UPP2: variants seen among roughly 807,000 people sequenced by gnomAD.
UPP2 encodes the protein UPase 2.
UPP2 carries 23 observed loss-of-function variants against 26.7 expected under a neutral mutation model. That is an observed-to-expected ratio of 0.86 (90% CI 0.62 to 1.22). The LOEUF is 1.22. UPP2 is among the 50% of genes most tolerant of loss of function. The pLI is 0.00. For missense variants in UPP2, 387 were observed against 396.7 expected, an observed-to-expected ratio of 0.98 and a Z score of 0.21; for synonymous variants, 127 against 141.3, an observed-to-expected ratio of 0.90 and a Z score of 0.72.
At chr2:158,057,211 CT>C (rs1682259809) in intron 3 of UPP2, among the ~76,000 whole-genome samples, 1 of 152,174 alleles carries the variant, frequency 6.6e-6, no homozygotes, top group South Asian at 2.1e-4. Context: ...GGTTTCTCTA[CT>C]GTAAAGTTAC....
In UPP2 at chr2:158,050,371, T is replaced by C. The variant is rs79786999; in HGVS notation, c.147+34485T>C. 9.1e-3 allele frequency among the ~76,000 whole-genome samples: 1,382 copies of C among 151,606 alleles called. 22 individuals are homozygous for C. The highest frequency in any genetic ancestry group is 0.031 in the African/African-American group (1,289 of 40,922). On this transcript the variant is annotated intron_variant, in intron 3 of 9. Transcript: ENST00000605860. The stretch of plus-strand genomic sequence containing the variant: ...AAGTAAACAGTTTGGCTCCAATGTA[T>C]TTACATGGATTATTTAGTTTTTTTT...
chr2:158,008,759 G>A (rs941876636), intron 2 of UPP2, among the ~76,000 whole-genome samples: 78 of 152,070 alleles, frequency 5.1e-4, no homozygotes, highest in African/African-American at 1.7e-3. Flanking sequence ...TCTTTATGGC[G>A]AAATTTTAAA....
At chr2:158,125,895 C>T (rs1031787286) in intron 6 of UPP2, among the ~76,000 whole-genome samples, 5 of 152,176 alleles carry the variant, frequency 3.3e-5, no homozygotes, top group African/African-American at 1.2e-4. Flanking sequence ...TTCTTTATTA[C>T]ATAAACAAGT....
intron 3 of UPP2, among the ~76,000 whole-genome samples, chr2:158,088,172 T>G (rs1465956810): frequency 6.6e-6 from 1 of 152,224 alleles, no homozygotes; most frequent in African/African-American, 2.4e-5. Flanking sequence ...GAGGCATTAT[T>G]CATTTTTTAA....
intron 3 of UPP2, among the ~76,000 whole-genome samples, chr2:158,074,354 T>C (rs976159285): frequency 2.0e-5 from 3 of 152,056 alleles, no homozygotes; most frequent in Non-Finnish European, 4.4e-5. Context: ...AAATAATAGC[T>C]ATAACACCTT....
intron 3 of UPP2, among the ~76,000 whole-genome samples, chr2:158,093,268 A>C (rs1682936864): frequency 8.2e-6 from 1 of 122,410 alleles, no homozygotes; most frequent in Admixed American, 8.3e-5. Flanking sequence ...GTAAAAAGAA[A>C]CATACACACA....
At chr2:158,082,996 C>G (rs1159672409) in intron 3 of UPP2, among the ~76,000 whole-genome samples, 6 of 152,146 alleles carry the variant, frequency 3.9e-5, no homozygotes, top group Admixed American at 3.9e-4. Flanking sequence ...CAAATCAAAA[C>G]TACAATGAGA....
At chr2:158,022,144 T>G (rs1186903980) in intron 3 of UPP2, among the ~76,000 whole-genome samples, 2 of 151,912 alleles carry the variant, frequency 1.3e-5, no homozygotes, top group Non-Finnish European at 2.9e-5. Flanking sequence ...AGTAAAGAAG[T>G]ATATTTTGCA....
At chr2:158,130,373 C>A (rs938593545) in intron 6 of UPP2, among the ~76,000 whole-genome samples, 2 of 151,702 alleles carry the variant, frequency 1.3e-5, no homozygotes, top group African/African-American at 2.4e-5. Flanking sequence ...ATGGCGTGAA[C>A]CCAGGAGGCA....
In UPP2 at chr2:158,136,022, G is replaced by C. The variant is rs1683924474; in HGVS notation, c.*1132G>C. 6.6e-6 allele frequency: 1 copy of C among 152,154 alleles called. No homozygotes were observed. Among genetic ancestry groups the C allele is most frequent in the South Asian group, 2.1e-4 (1 of 4,822 alleles). 9.4% of individuals were successfully genotyped at this position (152,154 alleles called of 1,614,324 possible). A position where few individuals can be genotyped will look rare whatever the true frequency, so the allele number is the denominator to read the frequency against. On this transcript the variant is annotated 3_prime_UTR_variant, in exon 7 of 7. Transcript: ENST00000005756. Reference sequence around the variant, plus strand: ...TCACACATGACCGAATGGAGGCTTGGGGCAGGAAATAGGTCCTAGGCCGGT... The same window carrying C: ...TCACACATGACCGAATGGAGGCTTGCGGCAGGAAATAGGTCCTAGGCCGGT...
At chr2:158,073,141 T>C (rs1291976215) in intron 3 of UPP2, among the ~76,000 whole-genome samples, 1 of 152,028 alleles carries the variant, frequency 6.6e-6, no homozygotes, top group African/African-American at 2.4e-5. Context: ...ATTGAACTAA[T>C]TAAAAAGAAT....
At chr2:158,044,474 G>A (rs918942744) in intron 3 of UPP2, among the ~76,000 whole-genome samples, 18 of 152,226 alleles carry the variant, frequency 1.2e-4, no homozygotes, top group African/African-American at 2.9e-4. Context: ...CAGGATAACC[G>A]CAAAGAGAGT....
chr2:158,032,809 G>C (rs1017434815), intron 3 of UPP2, among the ~76,000 whole-genome samples: 2 of 152,162 alleles, frequency 1.3e-5, no homozygotes, highest in Non-Finnish European at 1.5e-5. Context: ...TGGTTTTTGA[G>C]TTGCTAAATA....
intron 3 of UPP2, among the ~76,000 whole-genome samples, chr2:158,039,707 C>A (rs1684058193): frequency 6.6e-6 from 1 of 152,150 alleles, no homozygotes; most frequent in African/African-American, 2.4e-5. Flanking sequence ...AGTCTTAGAC[C>A]CCACTCCAAA....
chr2:158,010,817 G>A (rs1436057932), intron 2 of UPP2, among the ~76,000 whole-genome samples: 2 of 148,708 alleles, frequency 1.3e-5, no homozygotes, highest in Admixed American at 1.3e-4. Context: ...CCAGGCTGGA[G>A]TGCAGTGGCA....
upstream of UPP2, among the ~76,000 whole-genome samples, chr2:158,099,333 A>G (rs1459745461): frequency 6.6e-6 from 1 of 152,160 alleles, no homozygotes; most frequent in African/African-American, 2.4e-5. Flanking sequence ...CTCTCAAGCC[A>G]TTGCTGGTGC....
chr2:158,028,186 TG>T lies in UPP2; in HGVS notation c.147+12301del, dbSNP rs1179305037. 2.0e-5 allele frequency among the ~76,000 whole-genome samples: 3 copies of T among 152,356 alleles called. No homozygotes were observed. In the East Asian group the frequency reaches 5.8e-4, roughly 29 times the overall value. The stretch of plus-strand genomic sequence containing the variant: ...ATGGGTTTTTCTTTTTCTATCACAT[TG>T]TCAGGCTGCAGATTTTCCAAACTTT... On this transcript the variant is annotated intron_variant, in intron 3 of 9. Transcript: ENST00000605860.
At chr2:158,055,057 A>G (rs1024269456) in intron 3 of UPP2, among the ~76,000 whole-genome samples, 2 of 152,188 alleles carry the variant, frequency 1.3e-5, no homozygotes, top group Non-Finnish European at 2.9e-5. Context: ...TCTGTTGCTT[A>G]TAACAGAATA....
intron 3 of UPP2, among the ~76,000 whole-genome samples, chr2:158,056,780 A>G (rs909274720): frequency 6.6e-6 from 1 of 152,188 alleles, no homozygotes; most frequent in African/African-American, 2.4e-5. Context: ...AACTAGTTAC[A>G]CTGCAATGAC....
Sources: allele counts gnomAD v4.1 joint callset (sites outside exome capture counted in the v4.1 genomes callset), GRCh38; gene constraint gnomAD v4.1.1; transcripts MANE v1.5; gene names NCBI Gene and HGNC (gene_info 2026-07-23, HGNC 2026-07-21).